The following NELL1 variants were observed in gnomAD, a reference collection of about 807,000 sequenced individuals.
NELL1 encodes the protein neural EGFL like 1.
Under a neutral mutation model 107.4 loss-of-function variants are expected in NELL1, and 76 were observed. The ratio of observed to expected loss-of-function variants is 0.71; its 90% CI spans 0.59 to 0.86. NELL1 has a LOEUF of 0.86. Among genes scored for constraint, NELL1 ranks in the 40% least tolerant of loss-of-function variants. The pLI is 0.00. For synonymous variants in NELL1, 353 were observed against 341.2 expected (o/e 1.03, Z -0.38); for missense variants, 1,024 against 1,005.5 (o/e 1.02, Z -0.25).
intron 2 of NELL1, among the ~76,000 whole-genome samples, chr11:20,780,266 A>C (rs1033310749): frequency 3.9e-5 from 6 of 152,198 alleles, no homozygotes; most frequent in Non-Finnish European, 8.8e-5. Context: ...GGTGTCCTGC[A>C]AAGAAGTGGG....
chr11:20,688,078 T>C (rs1467440262), intron 2 of NELL1, among the ~76,000 whole-genome samples: 1 of 152,100 alleles, frequency 6.6e-6, no homozygotes, highest in Non-Finnish European at 1.5e-5. Flanking sequence ...GTAAATTATT[T>C]ATTTTATTTA....
intron 12 of NELL1, among the ~76,000 whole-genome samples, chr11:21,046,134 G>T (rs1188192184): frequency 6.6e-6 from 1 of 152,100 alleles, no homozygotes; most frequent in Non-Finnish European, 1.5e-5. Context: ...TTAAGTCTCT[G>T]TAAGGTATAG....
chr11:20,947,668 G>C (rs537565702), intron 11 of NELL1, among the ~76,000 whole-genome samples: 2 of 152,304 alleles, frequency 1.3e-5, no homozygotes, highest in East Asian at 3.9e-4. Context: ...ATGGGATAAT[G>C]CATAAGCACC....
intron 14 of NELL1, among the ~76,000 whole-genome samples, chr11:21,294,522 A>G (rs1181358874): frequency 6.6e-6 from 1 of 152,086 alleles, no homozygotes; most frequent in Non-Finnish European, 1.5e-5. Context: ...TGGATTGAAG[A>G]TAATAGTGAT....
At chr11:20,941,583 T>C (rs11025827) in intron 10 of NELL1, among the ~76,000 whole-genome samples, 9,445 of 152,230 alleles carry the variant, frequency 0.062, 390 homozygotes, top group East Asian at 0.2. Context: ...AAGACAATTA[T>C]AGGCATAATC....
chr11:20,756,681 G>A (rs933099326), intron 2 of NELL1, among the ~76,000 whole-genome samples: 19 of 47,614 alleles, frequency 4.0e-4, no homozygotes, highest in Middle Eastern at 0.017. Context: ...TTTTTGATGG[G>A]GTCTATCTTA....
chr11:20,857,333 C>T (rs575558716), intron 4 of NELL1, among the ~76,000 whole-genome samples: 6 of 152,318 alleles, frequency 3.9e-5, no homozygotes, highest in African/African-American at 1.4e-4. Flanking sequence ...TTCAGCCATT[C>T]ACCACCCATC....
chr11:21,555,690 C>T (rs887378305), intron 16 of NELL1, among the ~76,000 whole-genome samples: 1 of 151,884 alleles, frequency 6.6e-6, no homozygotes, highest in Non-Finnish European at 1.5e-5. Context: ...ATTGAAAATT[C>T]TTCCTAAAAG....
At chr11:21,358,937 C>T (rs1420134947) in intron 14 of NELL1, among the ~76,000 whole-genome samples, 1 of 152,082 alleles carries the variant, frequency 6.6e-6, no homozygotes, top group Non-Finnish European at 1.5e-5. Context: ...AACAATTTGA[C>T]TTCCTCTTTA....
intron 2 of NELL1, among the ~76,000 whole-genome samples, chr11:20,733,278 A>T (rs763739050): frequency 6.6e-6 from 1 of 152,180 alleles, no homozygotes; most frequent in Non-Finnish European, 1.5e-5. Context: ...CGGTCTCCTT[A>T]GGTACTTGGC....
intron 15 of NELL1, among the ~76,000 whole-genome samples, chr11:21,417,984 G>C (rs570767158): frequency 6.6e-6 from 1 of 151,994 alleles, no homozygotes; most frequent in Non-Finnish European, 1.5e-5. Flanking sequence ...CATGTCCCAA[G>C]CACTATGCAA....
At chr11:21,282,019 C>G (rs1375388408) in intron 14 of NELL1, among the ~76,000 whole-genome samples, 3 of 152,076 alleles carry the variant, frequency 2.0e-5, no homozygotes, top group Non-Finnish European at 4.4e-5. Flanking sequence ...AGTTAAAAAG[C>G]TTCTTCACAG....
At chr11:21,144,691 A>G (rs1855939532) in intron 13 of NELL1, among the ~76,000 whole-genome samples, 1 of 152,118 alleles carries the variant, frequency 6.6e-6, no homozygotes, top group Non-Finnish European at 1.5e-5. Context: ...GCGTGATAGG[A>G]AATGAAGGTA....
intron 14 of NELL1, among the ~76,000 whole-genome samples, chr11:21,306,305 A>G (rs79863059): frequency 0.047 from 7,162 of 152,066 alleles, 217 homozygotes; most frequent in East Asian, 0.11. Flanking sequence ...ATAAGAGTGG[A>G]TCAATTAAAT....
intron 15 of NELL1, among the ~76,000 whole-genome samples, chr11:21,393,002 T>C (rs1851912111): frequency 6.6e-6 from 1 of 151,778 alleles, no homozygotes; most frequent in Non-Finnish European, 1.5e-5. Context: ...GAATTTTTTT[T>C]TTTTTAAGCA....
intron 2 of NELL1, among the ~76,000 whole-genome samples, chr11:20,716,207 A>G (rs566516965): frequency 2.0e-5 from 3 of 152,360 alleles, no homozygotes; most frequent in East Asian, 3.9e-4. Flanking sequence ...CAGAGCAGGC[A>G]TGGGGCCACG....
chr11:20,924,721 G>C (rs965665936), intron 7 of NELL1, among the ~76,000 whole-genome samples: 1 of 152,144 alleles, frequency 6.6e-6, no homozygotes, highest in African/African-American at 2.4e-5. Flanking sequence ...ACACAATTCT[G>C]AGACCCTTTT....
Position 21,196,102 on chromosome 11 carries a change from A to T in NELL1, c.1427-33230A>T, listed in dbSNP as rs117370101. On this transcript the variant is annotated intron_variant, in intron 13 of 19. Transcript: ENST00000357134. ...TGTAGCCTGCAAGTTGTACACTCTG[A>T]CCTTAACATTTGCTACATAAGTGGA... 8.0e-3 allele frequency among the ~76,000 whole-genome samples: 1,211 copies of T among 152,194 alleles called. 7 individuals carry two copies. Among genetic ancestry groups the T allele is most frequent in the Middle Eastern group, 0.024 (7 of 294 alleles).
chr11:21,173,452 A>G (rs574455707), intron 13 of NELL1, among the ~76,000 whole-genome samples: 1 of 151,910 alleles, frequency 6.6e-6, no homozygotes, highest in East Asian at 1.9e-4. Context: ...AGGGAGAATG[A>G]TACTTTTTCT....
Sources: allele counts gnomAD v4.1 joint callset (sites outside exome capture counted in the v4.1 genomes callset), GRCh38; gene constraint gnomAD v4.1.1; transcripts MANE v1.5; gene names NCBI Gene and HGNC (gene_info 2026-07-23, HGNC 2026-07-21).